The following LAMC3 variants were observed in gnomAD, a reference collection of about 807,000 sequenced individuals.
The protein encoded by LAMC3 is laminin subunit gamma 3, also known as laminin subunit gamma-3.
LAMC3 carries 128 observed loss-of-function variants against 173.8 expected under a neutral mutation model. The observed-to-expected ratio is 0.74, with a 90% CI of 0.64 to 0.85. LAMC3 has a LOEUF of 0.85. LAMC3 is among the 40% of genes least tolerant of loss of function. The pLI, the probability that LAMC3 is intolerant of heterozygous loss-of-function variation, is 0.00. For synonymous variants in LAMC3, 897 were observed against 909.1 expected (o/e 0.99, Z 0.24); for missense variants, 2,022 against 2,156.0 (o/e 0.94, Z 1.23).
chr9:131,073,050 T>C lies in LAMC3; in HGVS notation c.3418-195T>C, dbSNP rs545429477. On this transcript the variant is annotated intron_variant, in intron 19 of 27. Transcript: ENST00000361069. ...TGTTCCGAGGAGACTGAATGCGCAG[T>C]AAGTGGTGGGCTGCATCCTTATTGG... Among the ~76,000 whole-genome samples the C allele has an allele frequency of 2.4e-4, 37 of 152,274 alleles. No homozygotes were observed. The South Asian group carries it at 7.3e-3, about 30-fold the overall frequency.
At position 131,066,940 on chromosome 9, in the gene LAMC3, C is replaced by T. The variant is rs369251232; in HGVS notation, c.2348-20C>T. ...GGTCCAGCCAGCTGTGTTCCCCACA[C>T]GTGCTCCCTCTACACACAGGGCGGC... On this transcript the variant is annotated intron_variant, in intron 13 of 27. Coordinates refer to ENST00000361069, the MANE Select transcript of LAMC3 (RefSeq NM_006059.4). The T allele has an allele frequency of 8.7e-6, 14 of 1,612,808 alleles. No individual in the cohort carries two copies. The highest frequency in any genetic ancestry group is 7.7e-5 in the South Asian group (7 of 91,054).
At chr9:131,010,503 A>G (rs772104603) in intron 1 of LAMC3, among the ~76,000 whole-genome samples, 1 of 152,210 alleles carries the variant, frequency 6.6e-6, no homozygotes, top group Non-Finnish European at 1.5e-5. Flanking sequence ...CTAGACCAGA[A>G]CTGTTGGGGA....
At position 131,052,787 on chromosome 9, in the gene LAMC3, T is replaced by C. The variant is rs1834318003; in HGVS notation, c.1824-63T>C. 3 of 1,185,512 alleles carry C rather than the reference T, an allele frequency of 2.5e-6. No individual in the cohort carries two copies. In the South Asian group the frequency reaches 3.7e-5, roughly 14 times the overall value. The allele number at this position is 1,185,512 out of a possible 1,614,324, so 73.4% of individuals were successfully genotyped here. A position where few individuals can be genotyped will look rare whatever the true frequency, so the allele number is the denominator to read the frequency against. On this transcript the variant is annotated intron_variant, in intron 10 of 27. Coordinates refer to ENST00000361069, the MANE Select transcript of LAMC3 (RefSeq NM_006059.4). ...CTGTAGTCTGGGGGGCTACCCCCCATCCCCAGGCATGGTACCCCCCCACCC... is the reference window on the plus strand; with the variant it reads ...CTGTAGTCTGGGGGGCTACCCCCCACCCCCAGGCATGGTACCCCCCCACCC...
intron 1 of LAMC3, among the ~76,000 whole-genome samples, chr9:131,017,163 ATGCTGTGCGCGGGC>A (rs1207139213): frequency 6.6e-6 from 1 of 152,062 alleles, no homozygotes. Context: ...TCGCTAAAGG[ATGCTGTGCGCGGGC>A]TGCTGCGGGT....
At position 131,057,028 on chromosome 9, in the gene LAMC3, C is replaced by T. The variant is rs73658916; in HGVS notation, c.2039C>T (p.Thr680Met). The T allele has an allele frequency of 2.1e-3, 3,399 of 1,614,048 alleles. 30 individuals are homozygous for T. The African/African-American group carries it at 0.026, about 13-fold the overall frequency. ...VEICSCPTGY[T>M]GQFCESCAPG... ...ATTTGTTCATGTCCCACTGGCTACACGGGCCAGTTCTGTGAATCCTGTGCT... is the reference window on the plus strand; with the variant it reads ...ATTTGTTCATGTCCCACTGGCTACATGGGCCAGTTCTGTGAATCCTGTGCT... The change falls in exon 12 of 28, where the codon ACG (threonine) becomes ATG (methionine). Residue 680 changes from threonine to methionine, a missense_variant. Coordinates refer to ENST00000361069, the MANE Select transcript of LAMC3 (RefSeq NM_006059.4).
At chr9:131,051,365 C>CTTTTT (rs58477043) in intron 9 of LAMC3, among the ~76,000 whole-genome samples, 8 of 126,838 alleles carry the variant, frequency 6.3e-5, no homozygotes, top group African/African-American at 1.2e-4. Context: ...TTTTACCATT[C>CTTTTT]TTTTTTTTTT....
chr9:131,046,256 A>G (rs1834155873), intron 8 of LAMC3, among the ~76,000 whole-genome samples: 1 of 139,868 alleles, frequency 7.1e-6, no homozygotes. Context: ...GCAGTGGTGC[A>G]AGATTGCACA....
intron 6 of LAMC3, among the ~76,000 whole-genome samples, chr9:131,040,857 C>A (rs1476840962): frequency 6.6e-6 from 1 of 152,196 alleles, no homozygotes; most frequent in Admixed American, 6.5e-5. Flanking sequence ...CGTACATCTC[C>A]CACAACACGT....
At position 131,077,392 on chromosome 9, in the gene LAMC3, G is replaced by A. The variant is rs1246287695; in HGVS notation, c.3777+58G>A. ...GTCGGGAGGATCTATTATAGAAGCT[G>A]GAGGCTGGGCACGGTGGCTCACGCC... is the stretch of plus-strand genomic sequence containing the variant. On this transcript the variant is annotated intron_variant, in intron 22 of 27. Transcript: ENST00000361069. The A allele has an allele frequency of 1.9e-6, 3 of 1,601,308 alleles. No homozygotes were observed. The Admixed American group carries it at 5.0e-5, about 27-fold the overall frequency.
At chr9:131,065,055 A>AAAAAG in intron 13 of LAMC3, among the ~76,000 whole-genome samples, 1 of 142,006 alleles carries the variant, frequency 7.0e-6, no homozygotes, top group African/African-American at 2.5e-5. Context: ...AAAAAAAAAA[A>AAAAAG]AAAAGAAAAG....
chr9:131,052,496 T>C lies in LAMC3; in HGVS notation c.1636T>C (p.Phe546Leu), dbSNP rs770581587. Residue 546 changes from phenylalanine to leucine, a missense_variant, in exon 10 of 28, where the codon TTC becomes CTC. Physicochemically the swap from Phe to Leu is conservative, Grantham distance 22. Coordinates refer to ENST00000361069, the MANE Select transcript of LAMC3 (RefSeq NM_006059.4). ...DEEELTAPEKFLGDQRFSYGQ... is the reference protein window; with the variant it reads ...DEEELTAPEKLLGDQRFSYGQ... ...CCTTCTTCTCTTGTCTTCAGAGAAG[T>C]TCCTGGGAGACCAGCGGTTCAGCTA... The C allele has an allele frequency of 1.9e-6, 3 of 1,614,054 alleles. No individual in the cohort carries two copies. Among genetic ancestry groups the C allele is most frequent in the Middle Eastern group, 1.6e-4 (1 of 6,062 alleles).
At chr9:131,028,003 A>G (rs752329528) in intron 2 of LAMC3, among the ~76,000 whole-genome samples, 22 of 152,064 alleles carry the variant, frequency 1.4e-4, no homozygotes, top group Non-Finnish European at 3.1e-4. Context: ...CAGGTCCCCA[A>G]CCCCCGGCTG....
intron 2 of LAMC3, among the ~76,000 whole-genome samples, chr9:131,031,505 G>A (rs1833822532): frequency 1.3e-5 from 2 of 152,206 alleles, no homozygotes; most frequent in Admixed American, 1.3e-4. Context: ...CCCTCAGCAT[G>A]TGAGGAGCCA....
At chr9:131,056,904 T>TCCTCTCTC in intron 11 of LAMC3, 25 bp from the exon 12 acceptor site, 1 of 1,595,742 alleles carries the variant, frequency 6.3e-7, no homozygotes, top group Non-Finnish European at 8.6e-7. Flanking sequence ...CCTCCTCTCT[T>TCCTCTCTC]CCTCTCTCCC....
Position 131,045,584 on chromosome 9 carries a change from C to G in LAMC3, c.1443C>G (p.Phe481Leu). Residue 481 changes from phenylalanine (F) to leucine (L), a missense_variant, in exon 8 of 28, where the codon TTC becomes TTG. Coordinates refer to ENST00000361069, the MANE Select transcript of LAMC3 (RefSeq NM_006059.4). The stretch of plus-strand genomic sequence containing the variant: ...ATCCAGCTGGCTGCAGCAGCTGTTT[C>G]TGCTATGGCCACTCCAAGGTGTGCG... ...PHNPAGCSSC[F>L]CYGHSKVCAS... 1.2e-6 allele frequency: 2 copies of G among 1,614,166 alleles called. No homozygotes were observed. The highest frequency in any genetic ancestry group is 2.2e-5 in the South Asian group (2 of 91,088).
intron 7 of LAMC3, among the ~76,000 whole-genome samples, 160 bp from the exon 8 acceptor site, chr9:131,045,364 C>CTGTAA (rs1461860461): frequency 6.6e-6 from 1 of 152,148 alleles, no homozygotes; most frequent in Non-Finnish European, 1.5e-5. Flanking sequence ...TGGGAACAAT[C>CTGTAA]TGTAATGTTC....
At chr9:131,039,326 C>T (rs532663716) in intron 6 of LAMC3, 78 bp downstream of exon 6, 1 of 1,161,248 alleles carries the variant, frequency 8.6e-7, no homozygotes, top group South Asian at 1.2e-5. Flanking sequence ...GTCAGCAGTC[C>T]CTCCCCTCCC....
intron 11 of LAMC3, among the ~76,000 whole-genome samples, chr9:131,055,421 TTC>T (rs1297002674): frequency 2.0e-5 from 2 of 98,836 alleles, no homozygotes; most frequent in Non-Finnish European, 4.1e-5. Flanking sequence ...TTTCTTTTCT[TTC>T]TTTTTTTTTT....
chr9:131,044,900 A>T (rs1475394816), intron 7 of LAMC3, among the ~76,000 whole-genome samples: 2 of 152,180 alleles, frequency 1.3e-5, no homozygotes, highest in Non-Finnish European at 2.9e-5. Context: ...TGCAGCAGAA[A>T]CCAGACATTA....
Sources: gnomAD v4.1 joint callset for allele counts (sites outside exome capture counted in the v4.1 genomes callset) on GRCh38, gnomAD v4.1.1 for gene constraint, MANE v1.5 for transcripts, NCBI Gene and HGNC (gene_info 2026-07-23, HGNC 2026-07-21) for gene names.